The following CLCA2 variants were observed in gnomAD, a reference collection of about 807,000 sequenced individuals.
CLCA2 encodes calcium-activated chloride channel regulator 2.
A neutral mutation model predicts 82.9 loss-of-function variants in CLCA2; 85 were observed. The ratio of observed to expected loss-of-function variants is 1.03; its 90% confidence interval spans 0.86 to 1.23. The LOEUF is 1.23. CLCA2 is among the 50% of genes most tolerant of loss of function. The pLI is 0.00. For synonymous variants in CLCA2, 421 were observed against 391.7 expected, an observed-to-expected ratio of 1.07 and a Z score of -0.88; for missense variants, 1,089 against 1,124.8, an observed-to-expected ratio of 0.97 and a Z score of 0.45.
At chr1:86,447,138 C>A (rs1015406275) in intron 10 of CLCA2, among the ~76,000 whole-genome samples, 3 of 152,136 alleles carry the variant, frequency 2.0e-5, no homozygotes, top group African/African-American at 7.2e-5. Flanking sequence ...AAATGAAAAA[C>A]ATTTAAACGC....
rs751831701 is a variant in CLCA2, at chr1:86,434,610, C to A, written c.837C>A (p.Ile279=). 6.2e-7 allele frequency: 1 copy of A among 1,614,110 alleles called. No individual in the cohort carries two copies. Among genetic ancestry groups the A allele is most frequent in the Non-Finnish European group, 8.5e-7 (1 of 1,179,996 alleles). The change falls in exon 6 of 14, where the codon ATC becomes ATA. Residue 279 remains isoleucine (I), a synonymous_variant. Transcript: ENST00000370565. ...GCCTCAGAAGTGCATGGGATGTAAT[C>A]ACAGACTCTGCTGACTTTCACCACA... ...MCSLRSAWDV[I]TDSADFHHSF... is the part of the protein sequence containing the mutation.
intron 10 of CLCA2, among the ~76,000 whole-genome samples, chr1:86,446,556 A>G (rs1662858620): frequency 1.3e-5 from 2 of 152,226 alleles, no homozygotes; most frequent in Non-Finnish European, 2.9e-5. Flanking sequence ...TCAAAAAACA[A>G]AAACAAAAAA....
chr1:86,442,136 A>G (rs956193623), intron 9 of CLCA2, among the ~76,000 whole-genome samples: 17 of 152,190 alleles, frequency 1.1e-4, no homozygotes, highest in Non-Finnish European at 5.9e-5. Flanking sequence ...TTTCATCTAT[A>G]GTTTCCTCAC....
At chr1:86,433,819 C>T (rs998530663) in intron 5 of CLCA2, among the ~76,000 whole-genome samples, 2 of 152,146 alleles carry the variant, frequency 1.3e-5, no homozygotes, top group Non-Finnish European at 2.9e-5. Flanking sequence ...TCTAAGTTTC[C>T]ATGGCTCTGT....
chr1:86,431,777 T>C (rs1402626781), intron 4 of CLCA2, among the ~76,000 whole-genome samples: 4 of 152,260 alleles, frequency 2.6e-5, no homozygotes, highest in Non-Finnish European at 5.9e-5. Flanking sequence ...CTGGATTTCC[T>C]AGTATCTTTT....
At chr1:86,428,084 G>T (rs1440419860) in intron 2 of CLCA2, among the ~76,000 whole-genome samples, 4 of 152,058 alleles carry the variant, frequency 2.6e-5, no homozygotes, top group African/African-American at 9.7e-5. Context: ...TGTTATATCA[G>T]ACTTTTACAG....
At position 86,441,465 on chromosome 1, in the gene CLCA2, A is replaced by AT; in HGVS notation, c.1411dup (p.Ser471PhefsTer5). 6.2e-7 allele frequency: 1 copy of AT among 1,608,834 alleles called. No individual in the cohort carries two copies. The highest frequency in any genetic ancestry group is 1.1e-5 in the South Asian group (1 of 90,658). On this transcript the variant is annotated frameshift_variant, in exon 9 of 14. Coordinates refer to ENST00000370565, the MANE Select transcript of CLCA2 (RefSeq NM_006536.7). LOFTEE classifies it high-confidence loss of function. ...GTTTAAAGTTCTTTGTTCCAGATAT[A>AT]TCAAACTCCAATAGCATGATTGATG...
intron 10 of CLCA2, among the ~76,000 whole-genome samples, chr1:86,446,376 A>T (rs1662854618): frequency 6.6e-6 from 1 of 151,798 alleles, no homozygotes; most frequent in South Asian, 2.1e-4. Flanking sequence ...CAAATTCATC[A>T]TGTTCTTTTC....
At chr1:86,441,708 C>T (rs55913596) in intron 9 of CLCA2, among the ~76,000 whole-genome samples, 165 bp downstream of exon 9, 146 of 152,340 alleles carry the variant, frequency 9.6e-4, no homozygotes, top group South Asian at 5.6e-3. Flanking sequence ...CAGAGCCAGG[C>T]TTTCAGCCCT....
chr1:86,427,183 G>C (rs1426029820), intron 2 of CLCA2, among the ~76,000 whole-genome samples: 1 of 152,118 alleles, frequency 6.6e-6, no homozygotes, highest in Admixed American at 6.5e-5. Flanking sequence ...AAGTAGATAA[G>C]AGCTGAATTA....
Position 86,455,267 on chromosome 1 carries a change from GA to G in CLCA2, c.2575del (p.Ser859AlafsTer45). On this transcript the variant is annotated frameshift_variant, in exon 14 of 14. Coordinates refer to ENST00000370565, the MANE Select transcript of CLCA2 (RefSeq NM_006536.7). LOFTEE classifies it low-confidence loss of function (END_TRUNC). Reference sequence around the variant, plus strand: ...ACATCAGCCAAATGGAGAAACACATGAAAGCCACAGAATTTATGTTGCAATA... The same window carrying G: ...ACATCAGCCAAATGGAGAAACACATGAAGCCACAGAATTTATGTTGCAATA... ...PEHQPNGETH[E>X]SHRIYVAIRA... The G allele has an allele frequency of 6.2e-7, 1 of 1,614,068 alleles. No individual in the cohort carries two copies. The highest frequency in any genetic ancestry group is 8.5e-7 in the Non-Finnish European group (1 of 1,180,004).
intron 7 of CLCA2, among the ~76,000 whole-genome samples, chr1:86,439,797 A>G (rs1235482318): frequency 3.3e-5 from 5 of 152,128 alleles, no homozygotes; most frequent in African/African-American, 1.2e-4. Flanking sequence ...AAGTCTCCAC[A>G]TTTGATTCTA....
chr1:86,453,717 T>A (rs755131231), intron 13 of CLCA2, 115 bp downstream of exon 13: 3 of 903,306 alleles, frequency 3.3e-6, no homozygotes, highest in Non-Finnish European at 5.0e-6. Context: ...AGCTCTGAGT[T>A]GCTGATCAGG....
chr1:86,452,294 C>T (rs890125113), intron 12 of CLCA2, among the ~76,000 whole-genome samples: 2 of 149,506 alleles, frequency 1.3e-5, no homozygotes, highest in Non-Finnish European at 3.0e-5. Context: ...TGAACTGCCA[C>T]TTTCTTGCCC....
In CLCA2 at chr1:86,443,980, C is replaced by A; in HGVS notation, c.1682C>A (p.Thr561Lys). The A allele has an allele frequency of 1.2e-6, 2 of 1,613,006 alleles. No homozygotes were observed. The highest frequency in any genetic ancestry group is 1.7e-6 in the Non-Finnish European group (2 of 1,178,998). Reference sequence around the variant, plus strand: ...TTTATCACCAATCTAACTTTTCGGACAGCTAGTCTTTGGATTCCAGGAACA... The same window carrying A: ...TTTATCACCAATCTAACTTTTCGGAAAGCTAGTCTTTGGATTCCAGGAACA... ...NNFITNLTFR[T>K]ASLWIPGTAK... Residue 561 changes from threonine (T) to lysine (K), a missense_variant, in exon 10 of 14, where the codon ACA becomes AAA. Coordinates refer to ENST00000370565, the MANE Select transcript of CLCA2 (RefSeq NM_006536.7).
rs1329151357 is a variant in CLCA2 at position 86,434,734 on chromosome 1, A to G, written c.961A>G (p.Lys321Glu). 1.2e-6 allele frequency: 2 copies of G among 1,610,484 alleles called. No individual in the cohort carries two copies. Among genetic ancestry groups the G allele is most frequent in the South Asian group, 2.2e-5 (2 of 90,892 alleles). Residue 321 changes from lysine to glutamate, a missense_variant, in exon 6 of 14, where the codon AAG becomes GAG. Physicochemically the swap from Lys to Glu is moderately conservative, Grantham distance 56. Coordinates refer to ENST00000370565, the MANE Select transcript of CLCA2 (RefSeq NM_006536.7). The stretch of plus-strand genomic sequence containing the variant: ...CTGTTTAGTGCTGGATGTGTCCAGC[A>G]AGATGGCAGAGGTAACATTTTGAAC... The part of the protein sequence containing the change: ...VVCLVLDVSS[K>E]MAEADRLLQL...
chr1:86,455,206 T>C lies in CLCA2; in HGVS notation c.2511T>C (p.Phe837=). 1.2e-6 allele frequency: 2 copies of C among 1,614,090 alleles called. No homozygotes were observed. The highest frequency in any genetic ancestry group is 1.7e-6 in the Non-Finnish European group (2 of 1,179,976). Residue 837 remains phenylalanine (F), a synonymous_variant, in exon 14 of 14, where the codon TTT becomes TTC. Transcript: ENST00000370565. The part of the protein sequence containing the change: ...NPQQAGIREI[F]TFSPQISTNG... ...AGCAAGCTGGCATCAGGGAGATATT[T>C]ACGTTCTCACCCCAAATTTCCACGA...
chr1:86,429,991 G>A (rs1436932235), intron 3 of CLCA2, among the ~76,000 whole-genome samples: 1 of 152,090 alleles, frequency 6.6e-6, no homozygotes, highest in Non-Finnish European at 1.5e-5. Flanking sequence ...AACACTCACA[G>A]CTTGGACTGC....
chr1:86,434,840 CA>C, intron 6 of CLCA2, 95 bp downstream of exon 6: 1 of 1,020,116 alleles, frequency 9.8e-7, no homozygotes, highest in Non-Finnish European at 1.5e-6. Context: ...GGTACATGTG[CA>C]GGACGTTCAA....
Sources: allele counts gnomAD v4.1 joint callset (sites outside exome capture counted in the v4.1 genomes callset), GRCh38; gene constraint gnomAD v4.1.1; transcripts MANE v1.5; gene names NCBI Gene and HGNC (gene_info 2026-07-23, HGNC 2026-07-21).